Variants in ZDHHC2 observed in about 807,000 individuals in gnomAD.
ZDHHC2 encodes zDHHC palmitoyltransferase 2.
Under a neutral mutation model 55.6 loss-of-function variants are expected in ZDHHC2, and 51 were observed. That is an observed-to-expected ratio of 0.92 (90% CI 0.73 to 1.16). The LOEUF (loss-of-function observed/expected upper bound fraction) is 1.16, where lower values mean the gene tolerates loss of function less well. Ranked by LOEUF, ZDHHC2 falls within the 50% of genes most tolerant of loss-of-function variation. The pLI, the probability that ZDHHC2 is intolerant of heterozygous loss-of-function variation, is 0.00. For synonymous variants in ZDHHC2, 199 were observed against 152.9 expected, an observed-to-expected ratio of 1.30 and a Z score of -2.22; for missense variants, 491 against 442.4, an observed-to-expected ratio of 1.11 and a Z score of -0.99.
intron 1 of ZDHHC2, among the ~76,000 whole-genome samples, chr8:17,171,923 T>TC (rs1213510475): frequency 6.6e-5 from 10 of 151,806 alleles, no homozygotes; most frequent in Admixed American, 2.6e-4. Context: ...CCAGACAGAC[T>TC]CCATCTTGGT....
intron 1 of ZDHHC2, among the ~76,000 whole-genome samples, chr8:17,184,157 T>G (rs1028433102): frequency 6.6e-6 from 1 of 151,010 alleles, no homozygotes; most frequent in African/African-American, 2.5e-5. Context: ...ATACAACTTC[T>G]TGCCGCAGCT....
intron 1 of ZDHHC2, among the ~76,000 whole-genome samples, chr8:17,170,261 T>A (rs185974487): frequency 2.0e-5 from 3 of 152,332 alleles, no homozygotes; most frequent in African/African-American, 7.2e-5. Flanking sequence ...GGTGAGCTAG[T>A]GAATAGCTGG....
chr8:17,214,721 C>T (rs1419125127), intron 10 of ZDHHC2, among the ~76,000 whole-genome samples: 1 of 151,888 alleles, frequency 6.6e-6, no homozygotes, highest in Admixed American at 6.6e-5. Context: ...TCAGGCTGGG[C>T]AACATAGAGA....
chr8:17,208,483 G>T (rs1807214681), intron 8 of ZDHHC2, among the ~76,000 whole-genome samples: 1 of 151,998 alleles, frequency 6.6e-6, no homozygotes. Flanking sequence ...TGAGGTTGGA[G>T]AGGTAAGCAA....
At chr8:17,205,797 T>C in intron 7 of ZDHHC2, 22 bp downstream of exon 7, 3 of 1,584,616 alleles carry the variant, frequency 1.9e-6, no homozygotes, top group Non-Finnish European at 2.6e-6. Flanking sequence ...ACTTGGTAAC[T>C]CTTTTTTTGG....
At chr8:17,177,126 C>T (rs1032224061) in intron 1 of ZDHHC2, among the ~76,000 whole-genome samples, 1 of 152,122 alleles carries the variant, frequency 6.6e-6, no homozygotes, top group African/African-American at 2.4e-5. Context: ...TCAAAGAATT[C>T]TCTATGAATT....
chr8:17,198,336 A>G (rs772033970), intron 5 of ZDHHC2, 45 bp from the exon 6 acceptor site: 2 of 1,531,830 alleles, frequency 1.3e-6, no homozygotes, highest in South Asian at 1.3e-5. Flanking sequence ...AATATGATTA[A>G]AATTTCATGG....
intron 1 of ZDHHC2, among the ~76,000 whole-genome samples, chr8:17,158,118 T>C (rs968271862): frequency 3.3e-5 from 5 of 152,148 alleles, no homozygotes; most frequent in African/African-American, 1.2e-4. Context: ...GAGTCTGTTG[T>C]TGGGAAAAGA....
At chr8:17,175,218 C>G (rs900324587) in intron 1 of ZDHHC2, among the ~76,000 whole-genome samples, 4 of 152,136 alleles carry the variant, frequency 2.6e-5, no homozygotes, top group African/African-American at 9.7e-5. Flanking sequence ...CTGTTAGAAT[C>G]TGGACAGGGC....
At chr8:17,193,927 A>G (rs1051899326) in intron 3 of ZDHHC2, among the ~76,000 whole-genome samples, 1 of 151,690 alleles carries the variant, frequency 6.6e-6, no homozygotes, top group South Asian at 2.1e-4. Flanking sequence ...CTAGATCCCC[A>G]CCCCACGACA....
In ZDHHC2 at chr8:17,223,428, C is replaced by T. The variant is rs1025182372; in HGVS notation, c.*3207C>T. On this transcript the variant is annotated 3_prime_UTR_variant, in exon 13 of 13. Transcript: ENST00000262096. Reference sequence around the variant, plus strand: ...ACAAGTGGATTTTTCACAAATAACACGTGTTTAATATCTTTCTGCAGAAAC... The same window carrying T: ...ACAAGTGGATTTTTCACAAATAACATGTGTTTAATATCTTTCTGCAGAAAC... The T allele has an allele frequency of 7.2e-5, 11 of 151,838 alleles. No individual in the cohort carries two copies. Among genetic ancestry groups the T allele is most frequent in the Non-Finnish European group, 1.5e-4 (10 of 67,792 alleles). The allele number at this position is 151,838 out of a possible 1,614,324, so 9.4% of individuals were successfully genotyped here. A position where few individuals can be genotyped will look rare whatever the true frequency, so the allele number is the denominator to read the frequency against.
chr8:17,189,977 A>C (rs1805933972), intron 3 of ZDHHC2, among the ~76,000 whole-genome samples: 1 of 152,162 alleles, frequency 6.6e-6, no homozygotes, highest in African/African-American at 2.4e-5. Flanking sequence ...ACCCTTAAGG[A>C]CACTTTCTTT....
chr8:17,190,902 T>G (rs897166155), intron 3 of ZDHHC2, among the ~76,000 whole-genome samples: 1 of 151,746 alleles, frequency 6.6e-6, no homozygotes, highest in Non-Finnish European at 1.5e-5. Context: ...TAAATTATTA[T>G]TGATTGTAGC....
At chr8:17,212,576 C>T (rs1006359740) in intron 10 of ZDHHC2, among the ~76,000 whole-genome samples, 1 of 152,172 alleles carries the variant, frequency 6.6e-6, no homozygotes, top group Non-Finnish European at 1.5e-5. Context: ...AGGCAGCTTT[C>T]CTGGTCCTAG....
chr8:17,188,688 A>G (rs1026818360), intron 3 of ZDHHC2, among the ~76,000 whole-genome samples: 1 of 152,114 alleles, frequency 6.6e-6, no homozygotes, highest in Non-Finnish European at 1.5e-5. Flanking sequence ...GTGTCACCCC[A>G]GTGCCGCAGC....
rs904716794 is a variant in ZDHHC2, at chr8:17,221,048, T to C, written c.*827T>C. 9.2e-5 allele frequency: 14 copies of C among 152,564 alleles called. No individual in the cohort carries two copies. The highest frequency in any genetic ancestry group is 2.2e-4 in the African/African-American group (9 of 41,574). 9.5% of individuals were successfully genotyped at this position (152,564 alleles called of 1,614,324 possible). A position where few individuals can be genotyped will look rare whatever the true frequency, so the allele number is the denominator to read the frequency against. On this transcript the variant is annotated 3_prime_UTR_variant, in exon 13 of 13. Coordinates refer to ENST00000262096, the MANE Select transcript of ZDHHC2 (RefSeq NM_016353.5). ...GTCAGTTTGGCTTTCTAAAAATCTC[T>C]TTTTAGATTATTTCTCCTGTTGAAC...
rs1585758269 is a variant in ZDHHC2, at chr8:17,224,427, G to A, written c.*4206G>A. ...TATTTTAAGCCCTGGTTTATGGCTA[G>A]TTCCCTTTTGCTCAGGAAAAATAGT... On this transcript the variant is annotated 3_prime_UTR_variant, in exon 13 of 13. Transcript: ENST00000262096. 6.6e-6 allele frequency: 1 copy of A among 151,640 alleles called. No homozygotes were observed. Among genetic ancestry groups the A allele is most frequent in the Non-Finnish European group, 1.5e-5 (1 of 67,684 alleles). The allele number at this position is 151,640 out of a possible 1,614,324, so 9.4% of individuals were successfully genotyped here. A position where few individuals can be genotyped will look rare whatever the true frequency, so the allele number is the denominator to read the frequency against.
At chr8:17,201,455 A>AG (rs1189205746) in intron 6 of ZDHHC2, among the ~76,000 whole-genome samples, 2 of 131,282 alleles carry the variant, frequency 1.5e-5, no homozygotes, top group African/African-American at 5.4e-5. Flanking sequence ...TTTCAGACCC[A>AG]GGGGCAGCCT....
intron 1 of ZDHHC2, among the ~76,000 whole-genome samples, chr8:17,181,517 A>G (rs1805431687): frequency 6.6e-6 from 1 of 152,218 alleles, no homozygotes; most frequent in African/African-American, 2.4e-5. Context: ...ATTTATCTCA[A>G]TAACTGGTTT....
Sources: allele counts gnomAD v4.1 joint callset (sites outside exome capture counted in the v4.1 genomes callset), GRCh38; gene constraint gnomAD v4.1.1; transcripts MANE v1.5; gene names NCBI Gene and HGNC (gene_info 2026-07-23, HGNC 2026-07-21).